Variants in IQSEC2 observed in about 807,000 individuals in gnomAD.
IQSEC2 encodes IQ motif and Sec7 domain ArfGEF 2.
IQSEC2 carries 6 observed loss-of-function variants against 74.6 expected under a neutral mutation model. The ratio of observed to expected loss-of-function variants is 0.08; its 90% CI spans 0.04 to 0.16. The LOEUF (loss-of-function observed/expected upper bound fraction) is 0.16. Among genes scored for constraint, IQSEC2 ranks in the 10% least tolerant of loss-of-function variants. IQSEC2 has a pLI of 1.00. For missense variants in IQSEC2, 734 were observed against 1,306.2 expected (o/e 0.56, Z 6.75); for synonymous variants, 494 against 544.5 (o/e 0.91, Z 1.29).
chrX:53,289,728 ACCCTCGCTT>A lies in IQSEC2; in HGVS notation c.737+2158_737+2166del, dbSNP rs782086300. On this transcript the variant is annotated intron_variant, in intron 2 of 14. Transcript: ENST00000642864. ...AGCCCCTTCCCATAGCCTGAGTTTG[ACCCTCGCTT>A]CCCAGATGCTGACTCCTCTAGGCCC... Among the ~76,000 whole-genome samples the A allele has an allele frequency of 1.0e-4, 11 of 110,080 alleles. No homozygotes were observed. The South Asian group carries it at 4.3e-3, about 43-fold the overall frequency.
intron 2 of IQSEC2, among the ~76,000 whole-genome samples, chrX:53,259,827 A>G (rs1382175314): frequency 9.4e-6 from 1 of 106,197 alleles, no homozygotes; most frequent in East Asian, 2.9e-4. Context: ...CAAAAACAAA[A>G]CTGTACTAAC....
chrX:53,254,296 C>T (rs965426037), intron 4 of IQSEC2, among the ~76,000 whole-genome samples: 5 of 102,079 alleles, frequency 4.9e-5, no homozygotes, highest in African/African-American at 1.8e-4. Flanking sequence ...TGCCATTGCA[C>T]TCCAGCCTGG....
intron 1 of IQSEC2, among the ~76,000 whole-genome samples, chrX:53,316,824 C>G (rs1556879189): frequency 2.9e-5 from 3 of 103,662 alleles, no homozygotes; most frequent in Non-Finnish European, 5.9e-5. Context: ...CAAAAACAAA[C>G]CAAAACCAAA....
At chrX:53,306,767 T>G (rs1367584343) in intron 1 of IQSEC2, among the ~76,000 whole-genome samples, 1 of 110,043 alleles carries the variant, frequency 9.1e-6, no homozygotes, top group Non-Finnish European at 1.9e-5. Flanking sequence ...GGGTGAGAGA[T>G]TTCAACAAAT....
At chrX:53,317,407 G>A (rs2075388608) in intron 1 of IQSEC2, among the ~76,000 whole-genome samples, 1 of 111,674 alleles carries the variant, frequency 9.0e-6, no homozygotes, top group African/African-American at 3.3e-5. Context: ...TGACATGGAT[G>A]GGGGTGGACA....
At chrX:53,226,133 C>G (rs1286290176), downstream of IQSEC2, 2 of 112,837 alleles carry the variant, frequency 1.8e-5, no homozygotes, top group African/African-American at 6.5e-5. Flanking sequence ...TGTATAGCCC[C>G]TGTGCATTTG....
chrX:53,235,961 G>C, intron 13 of IQSEC2, 129 bp from the exon 14 acceptor site: 3 of 614,970 alleles, frequency 4.9e-6, no homozygotes, highest in Non-Finnish European at 7.5e-6. Context: ...TTCCCCCATT[G>C]AAGAGGGGGA....
intron 2 of IQSEC2, among the ~76,000 whole-genome samples, chrX:53,287,401 G>A (rs912326197): frequency 7.1e-5 from 8 of 112,520 alleles, no homozygotes; most frequent in African/African-American, 2.6e-4. Context: ...ACAGCCACAC[G>A]CTCCAGCCAC....
chrX:53,283,481 T>G (rs1400106430), intron 2 of IQSEC2, among the ~76,000 whole-genome samples: 7 of 111,962 alleles, frequency 6.3e-5, no homozygotes, highest in African/African-American at 2.3e-4. Context: ...ACATGGTAAA[T>G]AGTCTCAGCC....
chrX:53,272,132 C>T (rs183792280), intron 2 of IQSEC2, among the ~76,000 whole-genome samples: 3 of 110,486 alleles, frequency 2.7e-5, no homozygotes, highest in African/African-American at 9.9e-5. Context: ...CTTTAAGACC[C>T]AGCTCTTAGG....
Position 53,250,556 on chromosome X carries a change from C to T in IQSEC2, c.2020G>A (p.Gly674Ser), listed in dbSNP as rs2074369821. The T allele has an allele frequency of 2.5e-6, 3 of 1,211,759 alleles. No individual in the cohort carries two copies. In the East Asian group the frequency reaches 8.9e-5, roughly 36 times the overall value. ...CCCAACCTCCGACCCCCAGCCACAC[C>T]ACTGGGCCCAGTGCCACTGTTGGGG... is the stretch of plus-strand genomic sequence containing the variant. ...PAPNSGTGPSGVAGGRRLGKC... is the reference protein window; with the variant it reads ...PAPNSGTGPSSVAGGRRLGKC... The change falls in exon 5 of 15, where the codon GGT (glycine) becomes AGT (serine). Residue 674 changes from glycine (G) to serine (S), a missense_variant. Coordinates refer to ENST00000642864, the MANE Select transcript of IQSEC2 (RefSeq NM_001111125.3).
At position 53,255,909 on chromosome X, in the gene IQSEC2, C is replaced by T; in HGVS notation, c.890G>A (p.Arg297His). The T allele has an allele frequency of 1.7e-6, 2 of 1,208,063 alleles. No individual in the cohort carries two copies. Among genetic ancestry groups the T allele is most frequent in the Non-Finnish European group, 2.2e-6 (2 of 893,508 alleles). The change falls in exon 3 of 15, where the codon CGC becomes CAC. Residue 297 changes from arginine (R) to histidine (H), a missense_variant. By Grantham distance (29) the Arg-to-His change is conservative. This residue lies in a region of IQSEC2 where 54 missense variants were observed against 62.1 expected (regional missense o/e 0.87). Coordinates refer to ENST00000642864, the MANE Select transcript of IQSEC2 (RefSeq NM_001111125.3). The part of the protein sequence containing the change: ...GVGLPWAQRA[R>H]LQPASVALRK... ...CAGGGCGACACTGGCTGGCTGGAGG[C>T]GTGCCCGCTGAGCCCAGGGAAGGCC... is the stretch of plus-strand genomic sequence containing the variant.
chrX:53,296,223 T>TG (rs1236942800), intron 1 of IQSEC2, among the ~76,000 whole-genome samples: 5 of 110,578 alleles, frequency 4.5e-5, no homozygotes, highest in Non-Finnish European at 7.6e-5. Flanking sequence ...TTAGTAGAGA[T>TG]GGGGTTTCAC....
At chrX:53,308,881 T>G (rs1351567257) in intron 1 of IQSEC2, among the ~76,000 whole-genome samples, 1 of 110,071 alleles carries the variant, frequency 9.1e-6, no homozygotes, top group Non-Finnish European at 1.9e-5. Context: ...GAGGATCACT[T>G]GAGCCTAGGA....
At chrX:53,281,304 G>A (rs1478505358) in intron 2 of IQSEC2, among the ~76,000 whole-genome samples, 1 of 112,454 alleles carries the variant, frequency 8.9e-6, no homozygotes, top group Non-Finnish European at 1.9e-5. Flanking sequence ...GGTCCTTCCA[G>A]AGCTGGGCAC....
chrX:53,229,012 G>A (rs912367262), downstream of IQSEC2: 1 of 112,626 alleles, frequency 8.9e-6, no homozygotes, highest in Non-Finnish European at 1.9e-5. Context: ...AATAAAGTGA[G>A]AGAAAAGGGA....
chrX:53,241,504 C>G (rs2074220735), intron 10 of IQSEC2, among the ~76,000 whole-genome samples: 1 of 111,694 alleles, frequency 9.0e-6, no homozygotes, highest in Non-Finnish European at 1.9e-5. Context: ...TTGAGGTGGA[C>G]AGGGATATTT....
At chrX:53,261,910 C>T (rs1319693003) in intron 2 of IQSEC2, among the ~76,000 whole-genome samples, 1 of 112,079 alleles carries the variant, frequency 8.9e-6, no homozygotes, top group Admixed American at 9.5e-5. Flanking sequence ...GCGCACCTTC[C>T]CTGTGTCAGG....
chrX:53,243,209 T>C (rs1309470343), intron 9 of IQSEC2, 123 bp downstream of exon 9: 12 of 543,566 alleles, frequency 2.2e-5, no homozygotes, highest in Non-Finnish European at 3.4e-5. Flanking sequence ...GAGGAATGCA[T>C]TATCACCCAC....
Sources: gnomAD v4.1 joint callset for allele counts (sites outside exome capture counted in the v4.1 genomes callset) on GRCh38, gnomAD v4.1.1 for gene constraint, gnomAD v4.1.1 regional missense constraint, MANE v1.5 for transcripts, NCBI Gene and HGNC (gene_info 2026-07-23, HGNC 2026-07-21) for gene names.